KCNA7: variants seen among roughly 807,000 people sequenced by gnomAD.
KCNA7 encodes the protein potassium voltage-gated channel subfamily A member 7.
A neutral mutation model predicts 21.5 loss-of-function variants in KCNA7; 15 were observed. The observed-to-expected ratio is 0.70, with a 90% CI of 0.47 to 1.07. The LOEUF (loss-of-function observed/expected upper bound fraction) is 1.07, where lower values mean the gene tolerates loss of function less well. Ranked by LOEUF, KCNA7 falls within the 50% of genes least tolerant of loss-of-function variation. The pLI is 0.00. For synonymous variants in KCNA7, 298 were observed against 291.0 expected, an observed-to-expected ratio of 1.02 and a Z score of -0.24; for missense variants, 640 against 651.6, an observed-to-expected ratio of 0.98 and a Z score of 0.19.
rs2040266927 is a variant in KCNA7, at chr19:49,072,446, C to A, written c.140G>T (p.Arg47Leu). The A allele has an allele frequency of 5.7e-6, 9 of 1,572,662 alleles. No homozygotes were observed. The highest frequency in any genetic ancestry group is 7.7e-6 in the Non-Finnish European group (9 of 1,168,582). Reference sequence around the variant, plus strand: ...CTCGCGGCGCGCGTCGTCGTAGAAGCGGCCGCGGCGCGCTGGGTCCCCTAG... The same window carrying A: ...CTCGCGGCGCGCGTCGTCGTAGAAGAGGCCGCGGCGCGCTGGGTCCCCTAG... ...TLLGDPARRG[R>L]FYDDARREYF... Residue 47 changes from arginine (R) to leucine (L), a missense_variant, in exon 1 of 2, where the codon CGC (arginine) becomes CTC (leucine). Arg to Leu is a moderately radical substitution (Grantham distance 102, BLOSUM62 -2). Transcript: ENST00000221444.
In KCNA7 at chr19:49,070,853, C is replaced by G. The variant is rs1300194006; in HGVS notation, c.581G>C (p.Ser194Thr). 1 of 1,613,748 alleles carries G rather than the reference C, an allele frequency of 6.2e-7. No homozygotes were observed. The highest frequency in any genetic ancestry group is 1.1e-5 in the South Asian group (1 of 91,046). The change falls in exon 2 of 2, where the codon AGC becomes ACC. Residue 194 changes from serine (S) to threonine (T), a missense_variant. By Grantham distance (58) the Ser-to-Thr change is moderately conservative. Coordinates refer to ENST00000221444, the MANE Select transcript of KCNA7 (RefSeq NM_031886.3). The surrounding 1 kb of genome is among the most constrained non-coding windows in gnomAD (Gnocchi z 4.3). ...GCGGGGTGGATTTCCAGGCATTTGG[C>G]TGGAGCCATTCAGCGGAGCGGGGAA... ...GPFPAPLNGS[S>T]QMPGNPPRLP...
rs763785159 is a variant in KCNA7, at chr19:49,070,810, C to T, written c.624G>A (p.Pro208=). 22 of 1,614,042 alleles carry T rather than the reference C, an allele frequency of 1.4e-5. No individual in the cohort carries two copies. Among genetic ancestry groups the T allele is most frequent in the East Asian group, 1.3e-4 (6 of 44,896 alleles). ...TACACAGCGTCTCCACCACGAAGAA[C>T]GGGTCATTGAAGGGCAGGCGGGGTG... ...GNPPRLPFND[P]FFVVETLCIC... Residue 208 remains proline (P), a synonymous_variant, in exon 2 of 2, where the codon CCG becomes CCA. Coordinates refer to ENST00000221444, the MANE Select transcript of KCNA7 (RefSeq NM_031886.3). This position sits in a 1 kb window ranked among gnomAD's most constrained non-coding sequence, Gnocchi z 4.3.
In KCNA7 at chr19:49,070,093, G is replaced by C. The variant is rs751094182; in HGVS notation, c.1341C>G (p.Pro447=). 6.2e-7 allele frequency: 1 copy of C among 1,607,152 alleles called. No homozygotes were observed. Among genetic ancestry groups the C allele is most frequent in the East Asian group, 2.2e-5 (1 of 44,750 alleles). The part of the protein sequence containing the change: ...VPELPPPLWA[P]PGKHLVTEV ...CTTCGGTGACCAGGTGTTTCCCTGG[G>C]GGTGCCCAGAGTGGAGGTGGTAGCT... Residue 447 remains proline, a synonymous_variant, in exon 2 of 2, where the codon CCC becomes CCG. Transcript: ENST00000221444. This position sits in a 1 kb window ranked among gnomAD's most constrained non-coding sequence, Gnocchi z 4.3.
chr19:49,072,674 G>T lies in KCNA7; in HGVS notation c.-89C>A. On this transcript the variant is annotated 5_prime_UTR_variant, in exon 1 of 2. Transcript: ENST00000221444. ...CCCCGCCTCGGCCGCCTCGGCCGCCGCCGCCGCCGCCCCAGCCCGGTGTCC... is the reference window on the plus strand; with the variant it reads ...CCCCGCCTCGGCCGCCTCGGCCGCCTCCGCCGCCGCCCCAGCCCGGTGTCC... The T allele has an allele frequency of 1.1e-6, 1 of 888,668 alleles. No homozygotes were observed. The highest frequency in any genetic ancestry group is 4.9e-5 in the South Asian group (1 of 20,258). The allele number at this position is 888,668 out of a possible 1,614,324, so 55.0% of individuals were successfully genotyped here.
rs2040248197 is a variant in KCNA7, at chr19:49,070,375, T to G, written c.1059A>C (p.Val353=). ...CATAGCCAACTGTAGTCATGGTGACTACCGCCCACCAGAAGGACTCAGGGA... is the reference window on the plus strand; with the variant it reads ...CATAGCCAACTGTAGTCATGGTGACGACCGCCCACCAGAAGGACTCAGGGA... ...TSIPESFWWA[V]VTMTTVGYGD... The change falls in exon 2 of 2, where the codon GTA becomes GTC. Residue 353 remains valine, a synonymous_variant. Coordinates refer to ENST00000221444, the MANE Select transcript of KCNA7 (RefSeq NM_031886.3). This position sits in a 1 kb window ranked among gnomAD's most constrained non-coding sequence, Gnocchi z 4.3. 1 of 1,613,968 alleles carries G rather than the reference T, an allele frequency of 6.2e-7. No homozygotes were observed. Among genetic ancestry groups the G allele is most frequent in the African/African-American group, 1.3e-5 (1 of 74,906 alleles).
Position 49,072,150 on chromosome 19 carries a change from C to T in KCNA7, c.436G>A (p.Ala146Thr). ...PESSQAARVL[A>T]VVSVLVILVS... ...AGGATGACCAGCACGGAGACTACGG[C>T]GAGCACGCGCGCGGCCTGAGAGCTC... is the stretch of plus-strand genomic sequence containing the variant. Residue 146 changes from alanine (A) to threonine (T), a missense_variant, in exon 1 of 2, where the codon GCC becomes ACC. By Grantham distance (58) the Ala-to-Thr change is moderately conservative. Coordinates refer to ENST00000221444, the MANE Select transcript of KCNA7 (RefSeq NM_031886.3). 6.2e-7 allele frequency: 1 copy of T among 1,612,276 alleles called. No homozygotes were observed. Among genetic ancestry groups the T allele is most frequent in the Non-Finnish European group, 8.5e-7 (1 of 1,179,674 alleles).
chr19:49,071,873 CG>C (rs1164141875), intron 1 of KCNA7, among the ~76,000 whole-genome samples, 157 bp downstream of exon 1: 10 of 152,342 alleles, frequency 6.6e-5, no homozygotes, highest in African/African-American at 2.2e-4. Flanking sequence ...GCAGGTCCTC[CG>C]ACCCGGATCC....
In KCNA7 at chr19:49,070,087, C is replaced by A; in HGVS notation, c.1347G>T (p.Gly449=). 1.2e-6 allele frequency: 2 copies of A among 1,604,102 alleles called. No individual in the cohort carries two copies. Among genetic ancestry groups the A allele is most frequent in the South Asian group, 1.1e-5 (1 of 90,784 alleles). ...CTCACACTTCGGTGACCAGGTGTTT[C>A]CCTGGGGGTGCCCAGAGTGGAGGTG... ...ELPPPLWAPP[G]KHLVTEV Residue 449 remains glycine, a synonymous_variant, in exon 2 of 2, where the codon GGG becomes GGT. Transcript: ENST00000221444. This position sits in a 1 kb window ranked among gnomAD's most constrained non-coding sequence, Gnocchi z 4.3.
In KCNA7 at chr19:49,070,278, T is replaced by C. The variant is rs1600256745; in HGVS notation, c.1156A>G (p.Ile386Val). ...ACAATGACGGGCACTGGCAGGGAAA[T>C]AGTCAGCACGCCCGCAATGGCACAC... ...SLCAIAGVLT[I>V]SLPVPVIVSN... The change falls in exon 2 of 2, where the codon ATT (isoleucine) becomes GTT (valine). Residue 386 changes from isoleucine to valine, a missense_variant. Coordinates refer to ENST00000221444, the MANE Select transcript of KCNA7 (RefSeq NM_031886.3). This position sits in a 1 kb window ranked among gnomAD's most constrained non-coding sequence, Gnocchi z 4.3. 3.1e-6 allele frequency: 5 copies of C among 1,614,030 alleles called. No homozygotes were observed. Among genetic ancestry groups the C allele is most frequent in the Non-Finnish European group, 4.2e-6 (5 of 1,179,996 alleles).
chr19:49,069,758 C>A lies in KCNA7; in HGVS notation c.*305G>T, dbSNP rs2040242884. On this transcript the variant is annotated 3_prime_UTR_variant, in exon 2 of 2. Transcript: ENST00000221444. ...CTAGGAAACTCACAAAATGATACGA[C>A]CAAACCTATCTCAACACTACCCCAA... The A allele has an allele frequency of 2.9e-6, 1 of 345,802 alleles. No individual in the cohort carries two copies. The highest frequency in any genetic ancestry group is 5.3e-6 in the Non-Finnish European group (1 of 187,862). 21.4% of individuals were successfully genotyped at this position (345,802 alleles called of 1,614,324 possible).
In KCNA7 at chr19:49,067,906, C is replaced by CTTTTCTT. The variant is rs563257561; in HGVS notation, c.*2156_*2157insAAGAAAA. On this transcript the variant is annotated 3_prime_UTR_variant, in exon 2 of 2. Transcript: ENST00000221444. ...TTTTTCTGGCTTTTTCTTTTCTTTT[C>CTTTTCTT]TTTTTTTTTTTGAGACAGAGTGTTG... 138 of 147,824 alleles carry CTTTTCTT rather than the reference C, an allele frequency of 9.3e-4. No individual in the cohort carries two copies. The South Asian group carries it at 0.017, about 18-fold the overall frequency. The allele number at this position is 147,824 out of a possible 1,614,324, so 9.2% of individuals were successfully genotyped here. A position where few individuals can be genotyped will look rare whatever the true frequency, so the allele number is the denominator to read the frequency against.
Position 49,070,690 on chromosome 19 carries a change from C to T in KCNA7, c.744G>A (p.Val248=). 1 of 1,614,188 alleles carries T rather than the reference C, an allele frequency of 6.2e-7. No individual in the cohort carries two copies. The highest frequency in any genetic ancestry group is 1.1e-5 in the South Asian group (1 of 91,082). ...GTGCCACAAAGTAGGGAAGGATAGCCACAAAATCGATGAGGTTCATCACGT... is the reference window on the plus strand; with the variant it reads ...GTGCCACAAAGTAGGGAAGGATAGCTACAAAATCGATGAGGTTCATCACGT... ...FKNVMNLIDF[V]AILPYFVALG... The change falls in exon 2 of 2, where the codon GTG becomes GTA. Residue 248 remains valine, a synonymous_variant. Transcript: ENST00000221444. The surrounding 1 kb of genome is among the most constrained non-coding windows in gnomAD (Gnocchi z 4.3).
chr19:49,072,646 C>G lies in KCNA7; in HGVS notation c.-61G>C. The G allele has an allele frequency of 1.0e-6, 1 of 1,004,306 alleles. No homozygotes were observed. Among genetic ancestry groups the G allele is most frequent in the Non-Finnish European group, 1.2e-6 (1 of 840,220 alleles). The allele number at this position is 1,004,306 out of a possible 1,614,324, so 62.2% of individuals were successfully genotyped here. A position where few individuals can be genotyped will look rare whatever the true frequency, so the allele number is the denominator to read the frequency against. ...GTGGCCCCGACGCCCGGCCCCGGTG[C>G]GGCCCCGCCTCGGCCGCCTCGGCCG... On this transcript the variant is annotated 5_prime_UTR_variant, in exon 1 of 2. Coordinates refer to ENST00000221444, the MANE Select transcript of KCNA7 (RefSeq NM_031886.3).
In KCNA7 at chr19:49,070,523, G is replaced by A. The variant is rs376824241; in HGVS notation, c.911C>T (p.Thr304Met). 1.1e-5 allele frequency: 18 copies of A among 1,614,066 alleles called. No homozygotes were observed. Among genetic ancestry groups the A allele is most frequent in the South Asian group, 2.2e-5 (2 of 91,092 alleles). Residue 304 changes from threonine to methionine, a missense_variant, in exon 2 of 2, where the codon ACG (threonine) becomes ATG (methionine). Transcript: ENST00000221444. The surrounding 1 kb of genome is among the most constrained non-coding windows in gnomAD (Gnocchi z 4.3). The stretch of plus-strand genomic sequence containing the variant: ...CAGCTCACGCATGGAGGCCCGAAGC[G>A]TCTGGCCCAAGATTTGCAGGCCCTT... ...HSKGLQILGQ[T>M]LRASMRELGL...
Position 49,070,767 on chromosome 19 carries a change from C to T in KCNA7, c.667G>A (p.Glu223Lys). 6.2e-7 allele frequency: 1 copy of T among 1,614,190 alleles called. No homozygotes were observed. The highest frequency in any genetic ancestry group is 8.5e-7 in the Non-Finnish European group (1 of 1,180,042). Residue 223 changes from glutamate to lysine, a missense_variant, in exon 2 of 2, where the codon GAG (glutamate) becomes AAG (lysine). Glu to Lys is a moderately conservative substitution (Grantham distance 56). Transcript: ENST00000221444. The surrounding 1 kb of genome is among the most constrained non-coding windows in gnomAD (Gnocchi z 4.3). ...CAGACCAGGAGGCGTACCAGCAGCT[C>T]AAAGGAGAACCAACAAATACACAGC... ...ETLCICWFSF[E>K]LLVRLLVCPS...
rs1405741590 is a variant in KCNA7 at position 49,070,202 on chromosome 19, C to G, written c.1232G>C (p.Gly411Ala). Residue 411 changes from glycine to alanine, a missense_variant, in exon 2 of 2, where the codon GGG (glycine) becomes GCG (alanine). Physicochemically the swap from Gly to Ala is moderately conservative, Grantham distance 60 (BLOSUM62 0). Coordinates refer to ENST00000221444, the MANE Select transcript of KCNA7 (RefSeq NM_031886.3). This position sits in a 1 kb window ranked among gnomAD's most constrained non-coding sequence, Gnocchi z 4.3. ...YHRETEGEEA[G>A]MFSHVDMQPC... The stretch of plus-strand genomic sequence containing the variant: ...CTGCATGTCCACATGGCTGAACATC[C>G]CAGCCTCTTCGCCCTCTGTCTCCCG... 6.2e-7 allele frequency: 1 copy of G among 1,614,212 alleles called. No homozygotes were observed. Among genetic ancestry groups the G allele is most frequent in the East Asian group, 2.2e-5 (1 of 44,880 alleles).
At position 49,070,012 on chromosome 19, in the gene KCNA7, T is replaced by G; in HGVS notation, c.*51A>C. 10 of 812,420 alleles carry G rather than the reference T, an allele frequency of 1.2e-5. No individual in the cohort carries two copies. Among genetic ancestry groups the G allele is most frequent in the Non-Finnish European group, 1.7e-5 (9 of 533,114 alleles). 50.3% of individuals were successfully genotyped at this position (812,420 alleles called of 1,614,324 possible). On this transcript the variant is annotated 3_prime_UTR_variant, in exon 2 of 2. Transcript: ENST00000221444. This position sits in a 1 kb window ranked among gnomAD's most constrained non-coding sequence, Gnocchi z 4.3. ...CCCAGCCTTGCCCTCCACCCTGCCCTCCCTCCCTCCCTCTAGGGAGGTGTG... is the reference window on the plus strand; with the variant it reads ...CCCAGCCTTGCCCTCCACCCTGCCCGCCCTCCCTCCCTCTAGGGAGGTGTG...
intron 1 of KCNA7, among the ~76,000 whole-genome samples, chr19:49,071,616 C>A (rs1285322562): frequency 6.6e-6 from 1 of 152,052 alleles, no homozygotes; most frequent in East Asian, 1.9e-4. Context: ...CCTCCTCTGG[C>A]CCCTCAACCT....
Position 49,068,966 on chromosome 19 carries a change from C to T in KCNA7, c.*1097G>A, listed in dbSNP as rs2040237781. 1 of 152,164 alleles carries T rather than the reference C, an allele frequency of 6.6e-6. No individual in the cohort carries two copies. The highest frequency in any genetic ancestry group is 2.4e-5 in the African/African-American group (1 of 41,422). The allele number at this position is 152,164 out of a possible 1,614,324, so 9.4% of individuals were successfully genotyped here. ...TAAACAGGAGGAGCATCCACCTCTT[C>T]CTAATTTACCCAGTCGCCTCTGGAT... On this transcript the variant is annotated 3_prime_UTR_variant, in exon 2 of 2. Transcript: ENST00000221444.
Sources: gnomAD v4.1 joint callset for allele counts (sites outside exome capture counted in the v4.1 genomes callset) on GRCh38, gnomAD v4.1.1 for gene constraint, Gnocchi (gnomAD v3.1) non-coding constraint, MANE v1.5 for transcripts, NCBI Gene and HGNC (gene_info 2026-07-23, HGNC 2026-07-21) for gene names.